Variants in CDH4 observed in about 807,000 individuals in gnomAD.
CDH4 encodes cadherin-4.
A neutral mutation model predicts 86.0 loss-of-function variants in CDH4; 33 were observed. The observed-to-expected ratio is 0.38, with a 90% CI of 0.29 to 0.51. CDH4 has a LOEUF of 0.51. Ranked by LOEUF, CDH4 falls within the 20% of genes least tolerant of loss-of-function variation. The pLI is 0.86. For missense variants in CDH4, 1,114 were observed against 1,307.4 expected (o/e 0.85, Z 2.28); for synonymous variants, 555 against 549.4 (o/e 1.01, Z -0.14).
chr20:61,366,434 C>T (rs1232809272), intron 2 of CDH4, among the ~76,000 whole-genome samples: 5 of 152,198 alleles, frequency 3.3e-5, no homozygotes, highest in African/African-American at 1.2e-4. Context: ...TAAAGACACA[C>T]ACACAGAAAT....
At chr20:61,767,030 C>T (rs1211150101) in intron 3 of CDH4, among the ~76,000 whole-genome samples, 1 of 152,226 alleles carries the variant, frequency 6.6e-6, no homozygotes, top group East Asian at 1.9e-4. Flanking sequence ...CCTGGCCTTC[C>T]AAGCTTGAGC....
intron 5 of CDH4, among the ~76,000 whole-genome samples, chr20:61,851,313 T>C (rs949863743): frequency 6.6e-6 from 1 of 152,144 alleles, no homozygotes; most frequent in African/African-American, 2.4e-5. Flanking sequence ...AAACACACAA[T>C]GTAGGGGGTA....
chr20:61,887,168 G>A (rs1406851968), intron 7 of CDH4, among the ~76,000 whole-genome samples: 1 of 152,080 alleles, frequency 6.6e-6, no homozygotes, highest in East Asian at 1.9e-4. Flanking sequence ...ATGAGGTCAG[G>A]AGCCTGACCC....
intron 2 of CDH4, among the ~76,000 whole-genome samples, chr20:61,334,427 G>A (rs1180970480): frequency 6.6e-6 from 1 of 152,112 alleles, no homozygotes; most frequent in African/African-American, 2.4e-5. Flanking sequence ...GTCTGTTGGG[G>A]CTGCTATAAC....
At chr20:61,762,399 A>G (rs1025217176) in intron 3 of CDH4, among the ~76,000 whole-genome samples, 2 of 152,082 alleles carry the variant, frequency 1.3e-5, no homozygotes, top group Non-Finnish European at 2.9e-5. Context: ...TTCAATACCC[A>G]CTGTTCACCC....
rs929097784 is a variant in CDH4, at chr20:61,708,733, C to T, written c.170-34830C>T. The stretch of plus-strand genomic sequence containing the variant: ...CCATCCTCCCCAGCCTCACATGAGG[C>T]GGCGCTGCCTCTGCGGAGGCCCCTT... On this transcript the variant is annotated intron_variant, in intron 2 of 15. Transcript: ENST00000614565. This position sits in a 1 kb window ranked among gnomAD's most constrained non-coding sequence, Gnocchi z 4.5. Among the ~76,000 whole-genome samples the T allele has an allele frequency of 3.3e-5, 5 of 152,186 alleles. No individual in the cohort carries two copies. Among genetic ancestry groups the T allele is most frequent in the South Asian group, 2.1e-4 (1 of 4,828 alleles).
intron 4 of CDH4, among the ~76,000 whole-genome samples, chr20:61,805,282 G>T (rs1278271652): frequency 2.6e-5 from 4 of 152,226 alleles, no homozygotes; most frequent in African/African-American, 7.2e-5. Context: ...CTGGGGTGCT[G>T]TCCCCAGAAG....
intron 11 of CDH4, among the ~76,000 whole-genome samples, chr20:61,925,709 C>T (rs1287351368): frequency 3.3e-5 from 5 of 152,272 alleles, no homozygotes; most frequent in African/African-American, 4.8e-5. Flanking sequence ...TTTTCTCTCA[C>T]GTCAAAGAAG....
intron 5 of CDH4, among the ~76,000 whole-genome samples, chr20:61,852,405 G>A (rs113717526): frequency 2.0e-5 from 3 of 152,226 alleles, no homozygotes; most frequent in African/African-American, 4.8e-5. Flanking sequence ...CCATCCAAGG[G>A]GCACCTGTCC....
chr20:61,877,374 A>G (rs1454951547), intron 7 of CDH4, among the ~76,000 whole-genome samples: 1 of 48,146 alleles, frequency 2.1e-5, no homozygotes, highest in African/African-American at 8.2e-5. Flanking sequence ...CCCACCCCCC[A>G]CCCCCCGCTG....
At chr20:61,317,296 C>T (rs930607127) in intron 2 of CDH4, among the ~76,000 whole-genome samples, 118 of 152,200 alleles carry the variant, frequency 7.8e-4, no homozygotes, top group African/African-American at 2.6e-3. Flanking sequence ...CTGCAAGCTC[C>T]GCCTCCCGGT....
At chr20:61,382,192 C>T (rs919161111) in intron 2 of CDH4, among the ~76,000 whole-genome samples, 1 of 152,114 alleles carries the variant, frequency 6.6e-6, no homozygotes, top group Non-Finnish European at 1.5e-5. Context: ...GAGGCTTAAA[C>T]GTAAAAATAA....
At chr20:61,534,829 C>T (rs1271945158) in intron 2 of CDH4, among the ~76,000 whole-genome samples, 2 of 126,090 alleles carry the variant, frequency 1.6e-5, no homozygotes, top group African/African-American at 2.9e-5. Context: ...CTTGCTGGGA[C>T]GCTCCTTTGG....
intron 2 of CDH4, among the ~76,000 whole-genome samples, chr20:61,514,768 C>CA (rs1306529464): frequency 6.6e-6 from 1 of 152,224 alleles, no homozygotes; most frequent in Non-Finnish European, 1.5e-5. Context: ...TTGTGCCTCT[C>CA]AAAACACAGA....
chr20:61,796,849 C>T (rs1182584441), intron 4 of CDH4, among the ~76,000 whole-genome samples: 3 of 152,144 alleles, frequency 2.0e-5, no homozygotes, highest in African/African-American at 4.8e-5. Flanking sequence ...GAGCAGAAAC[C>T]GTTTCCAGGG....
chr20:61,880,581 G>A (rs1476299374), intron 7 of CDH4, among the ~76,000 whole-genome samples: 1 of 152,152 alleles, frequency 6.6e-6, no homozygotes, highest in African/African-American at 2.4e-5. Flanking sequence ...CAGAGGCCTC[G>A]GCTCCCGAGT....
At chr20:61,632,011 G>A (rs1450203142) in intron 2 of CDH4, among the ~76,000 whole-genome samples, 1 of 152,276 alleles carries the variant, frequency 6.6e-6, no homozygotes, top group Non-Finnish European at 1.5e-5. Flanking sequence ...CGTGAAGGCT[G>A]CGCAAGTGGC....
chr20:61,298,100 G>T (rs2084366492), intron 2 of CDH4, among the ~76,000 whole-genome samples: 1 of 152,164 alleles, frequency 6.6e-6, no homozygotes, highest in Admixed American at 6.5e-5. Flanking sequence ...GCATTCATTG[G>T]GGCAGCCTGT....
intron 3 of CDH4, among the ~76,000 whole-genome samples, chr20:61,770,373 G>GT (rs2088759590): frequency 6.6e-6 from 1 of 152,196 alleles, no homozygotes. Flanking sequence ...GGCTGCCCTG[G>GT]TGCAAGGTCC....
Sources: allele counts gnomAD v4.1 joint callset (sites outside exome capture counted in the v4.1 genomes callset), GRCh38; gene constraint gnomAD v4.1.1; non-coding constraint Gnocchi (gnomAD v3.1); transcripts MANE v1.5; gene names NCBI Gene and HGNC (gene_info 2026-07-23, HGNC 2026-07-21).